Variants in DIAPH2 observed in about 807,000 individuals in gnomAD.
DIAPH2 encodes the protein diaphanous related formin 2.
Under a neutral mutation model 92.7 loss-of-function variants are expected in DIAPH2, and 35 were observed. The ratio of observed to expected loss-of-function variants is 0.38; its 90% confidence interval spans 0.29 to 0.50. The LOEUF (loss-of-function observed/expected upper bound fraction) is 0.50, where lower values mean the gene tolerates loss of function less well. DIAPH2 is among the 20% of genes least tolerant of loss of function. The probability of loss-of-function intolerance (pLI) is 0.94; values close to 1 mark genes in which losing one functional copy is unlikely to be tolerated. For missense variants in DIAPH2, 701 were observed against 819.5 expected, an observed-to-expected ratio of 0.86 and a Z score of 1.77; for synonymous variants, 301 against 280.4, an observed-to-expected ratio of 1.07 and a Z score of -0.73.
chrX:97,454,637 C>T (rs911273395), intron 26 of DIAPH2, among the ~76,000 whole-genome samples: 46 of 110,765 alleles, frequency 4.2e-4, no homozygotes, highest in African/African-American at 1.4e-3. Context: ...AGGCGGATCA[C>T]GAGGTCATGA....
intron 19 of DIAPH2, among the ~76,000 whole-genome samples, chrX:97,093,445 G>A (rs945610035): frequency 2.7e-5 from 3 of 111,457 alleles, no homozygotes; most frequent in Non-Finnish European, 3.8e-5. Context: ...ACCCACCCGC[G>A]TCTGCCTAAG....
intron 23 of DIAPH2, among the ~76,000 whole-genome samples, chrX:97,334,684 A>AAC (rs200526833): frequency 0.022 from 2,377 of 106,131 alleles, 27 homozygotes; most frequent in Non-Finnish European, 0.034. Flanking sequence ...AAACAAAACA[A>AAC]AACAAAAAAA....
intron 22 of DIAPH2, among the ~76,000 whole-genome samples, chrX:97,175,657 G>T (rs771191816): frequency 2.7e-5 from 3 of 111,795 alleles, no homozygotes; most frequent in Non-Finnish European, 5.6e-5. Context: ...TACTGGTTGT[G>T]TTGGAATTGC....
At chrX:97,280,318 CA>C (rs11339890) in intron 23 of DIAPH2, among the ~76,000 whole-genome samples, 6,411 of 105,524 alleles carry the variant, frequency 0.061, 476 homozygotes, top group African/African-American at 0.21. Flanking sequence ...ACTAAAAATA[CA>C]AAAAAAAAAT....
At chrX:96,921,925 A>T (rs1313337133) in intron 9 of DIAPH2, among the ~76,000 whole-genome samples, 1 of 111,028 alleles carries the variant, frequency 9.0e-6, no homozygotes, top group Non-Finnish European at 1.9e-5. Context: ...TTACAATCCA[A>T]CTGTGGTAGT....
chrX:96,968,140 A>G (rs2065904955), intron 17 of DIAPH2, among the ~76,000 whole-genome samples: 1 of 108,467 alleles, frequency 9.2e-6, no homozygotes, highest in Non-Finnish European at 1.9e-5. Flanking sequence ...TCAATTTTTC[A>G]TTTCCCTGAT....
chrX:97,518,619 A>G (rs1200556505), intron 26 of DIAPH2, among the ~76,000 whole-genome samples: 8 of 109,873 alleles, frequency 7.3e-5, no homozygotes, highest in African/African-American at 1.3e-4. Context: ...AGTAGTGTCT[A>G]TTTAATCTAG....
rs141875298 is a variant in DIAPH2 at position 97,309,594 on chromosome X, A to T, written c.2845-38522A>T. 2.0e-4 allele frequency among the ~76,000 whole-genome samples: 22 copies of T among 111,671 alleles called. No homozygotes were observed. In the East Asian group the frequency reaches 6.2e-3, roughly 31 times the overall value. ...TTGTTTTGCTAGTGTTGCTATAGAA[A>T]ATGCTTTATAAATAACATTTCAAGA... On this transcript the variant is annotated intron_variant, in intron 23 of 26. Transcript: ENST00000324765.
At chrX:97,390,928 GT>G (rs1275680775) in intron 25 of DIAPH2, among the ~76,000 whole-genome samples, 8 of 111,799 alleles carry the variant, frequency 7.2e-5, no homozygotes, top group African/African-American at 2.6e-4. Context: ...TATTTTTTAT[GT>G]TTTAGTACCA....
chrX:97,547,052 A>G (rs2071186733), intron 26 of DIAPH2, among the ~76,000 whole-genome samples: 1 of 111,845 alleles, frequency 8.9e-6, no homozygotes, highest in East Asian at 2.8e-4. Flanking sequence ...TCTTATTCAT[A>G]ACTCTGTTCT....
At chrX:97,182,982 A>T (rs2067551951) in intron 22 of DIAPH2, among the ~76,000 whole-genome samples, 2 of 111,368 alleles carry the variant, frequency 1.8e-5, no homozygotes, top group Non-Finnish European at 3.8e-5. Context: ...AGGAAGAAAG[A>T]TAAGGAAAGA....
intron 19 of DIAPH2, among the ~76,000 whole-genome samples, chrX:97,084,116 A>T (rs201950358): frequency 1.1e-5 from 1 of 90,657 alleles, no homozygotes; most frequent in African/African-American, 4.0e-5. Context: ...TGTTTTTTTT[A>T]AATATGTCAT....
chrX:97,262,197 T>C lies in DIAPH2; in HGVS notation c.2844+14358T>C, dbSNP rs181678524. On this transcript the variant is annotated intron_variant, in intron 23 of 26. Coordinates refer to ENST00000324765, the MANE Select transcript of DIAPH2 (RefSeq NM_006729.5). ...TATGTAGTATAATATCATACAATGA[T>C]AAGTGATAAGGAAAATAAAGGTGAG... Among the ~76,000 whole-genome samples the C allele has an allele frequency of 3.6e-5, 4 of 110,149 alleles. No individual in the cohort carries two copies. In the East Asian group the frequency reaches 1.1e-3, roughly 31 times the overall value.
At chrX:97,590,332 C>T (rs761648123) in intron 26 of DIAPH2, among the ~76,000 whole-genome samples, 96 of 111,648 alleles carry the variant, frequency 8.6e-4, no homozygotes, top group African/African-American at 3.0e-3. Flanking sequence ...GCAAGAAATA[C>T]GTAGCCCAGA....
At chrX:96,923,915 A>G (rs992712967) in intron 9 of DIAPH2, among the ~76,000 whole-genome samples, 2 of 111,795 alleles carry the variant, frequency 1.8e-5, no homozygotes, top group African/African-American at 6.5e-5. Context: ...GAATGTGGGA[A>G]TTATATAATT....
At chrX:97,083,118 ATCC>A (rs913476484) in intron 19 of DIAPH2, among the ~76,000 whole-genome samples, 4 of 112,205 alleles carry the variant, frequency 3.6e-5, no homozygotes, top group Non-Finnish European at 7.5e-5. Flanking sequence ...AATTCTAGAT[ATCC>A]TCCTATGTAA....
At position 97,201,132 on chromosome X, in the gene DIAPH2, C is replaced by CA. The variant is rs1311168551; in HGVS notation, c.2720-46583_2720-46582insA. Among the ~76,000 whole-genome samples the CA allele has an allele frequency of 1.2e-4, 4 of 32,958 alleles. No individual in the cohort carries two copies. The Admixed American group carries it at 1.2e-3, about 10-fold the overall frequency. The allele number at this position is 32,958 out of a possible 115,157, so 28.6% of individuals were successfully genotyped here. A position where few individuals can be genotyped will look rare whatever the true frequency, so the allele number is the denominator to read the frequency against. ...GCAACAACAGCATCAACAAGAAAGACCCCCCCCCCAAAAAAAACCCCATCC... is the reference window on the plus strand; with the variant it reads ...GCAACAACAGCATCAACAAGAAAGACACCCCCCCCCAAAAAAAACCCCATCC... On this transcript the variant is annotated intron_variant, in intron 22 of 26. Coordinates refer to ENST00000324765, the MANE Select transcript of DIAPH2 (RefSeq NM_006729.5).
chrX:97,414,694 A>C (rs1463837063), intron 25 of DIAPH2, among the ~76,000 whole-genome samples: 1 of 108,904 alleles, frequency 9.2e-6, no homozygotes, highest in Non-Finnish European at 1.9e-5. Context: ...TCCCTTCCTT[A>C]CACCTTATAC....
intron 16 of DIAPH2, among the ~76,000 whole-genome samples, chrX:96,962,382 C>CATATATATACAT (rs2065862423): frequency 7.0e-5 from 4 of 57,172 alleles, no homozygotes; most frequent in African/African-American, 1.7e-4. Flanking sequence ...TATATATACA[C>CATATATATACAT]ATATATATAC....
Sources: allele counts gnomAD v4.1 joint callset (sites outside exome capture counted in the v4.1 genomes callset), GRCh38; gene constraint gnomAD v4.1.1; transcripts MANE v1.5; gene names NCBI Gene and HGNC (gene_info 2026-07-23, HGNC 2026-07-21).